The following CPQ variants were observed in gnomAD, a reference collection of about 807,000 sequenced individuals.
CPQ encodes the protein Ser-Met dipeptidase.
A neutral mutation model predicts 45.7 loss-of-function variants in CPQ; 37 were observed. That is an observed-to-expected ratio of 0.81 (90% CI 0.62 to 1.07). CPQ has a LOEUF of 1.07. Ranked by LOEUF, CPQ falls within the 50% of genes least tolerant of loss-of-function variation. CPQ has a pLI of 0.00. For missense variants in CPQ, 537 were observed against 572.9 expected (o/e 0.94, Z 0.64); for synonymous variants, 186 against 205.8 (o/e 0.90, Z 0.82).
At chr8:96,722,273 C>A (rs1809774338) in intron 1 of CPQ, among the ~76,000 whole-genome samples, 1 of 151,978 alleles carries the variant, frequency 6.6e-6, no homozygotes, top group Non-Finnish European at 1.5e-5. Flanking sequence ...TTCCTTATGT[C>A]TTTACTTTTT....
intron 2 of CPQ, among the ~76,000 whole-genome samples, chr8:96,815,583 A>G (rs1811217322): frequency 6.6e-6 from 1 of 152,268 alleles, no homozygotes; most frequent in East Asian, 1.9e-4. Flanking sequence ...TGATCCCAGA[A>G]GCTCTCATTG....
chr8:96,890,068 A>G (rs1174241653), intron 4 of CPQ, among the ~76,000 whole-genome samples: 1 of 152,152 alleles, frequency 6.6e-6, no homozygotes, highest in Admixed American at 6.5e-5. Flanking sequence ...TCTCCAAATA[A>G]AGACAATAAT....
intron 4 of CPQ, among the ~76,000 whole-genome samples, chr8:96,941,724 T>G (rs1374345582): frequency 6.6e-6 from 1 of 152,132 alleles, no homozygotes; most frequent in East Asian, 1.9e-4. Context: ...TTTTCTTTCC[T>G]GCTAGGTATG....
At chr8:96,828,138 C>T (rs1811402231) in intron 2 of CPQ, among the ~76,000 whole-genome samples, 1 of 152,034 alleles carries the variant, frequency 6.6e-6, no homozygotes, top group Non-Finnish European at 1.5e-5. Context: ...TGCTTTATCT[C>T]CACTGCCCTG....
chr8:96,859,065 T>C (rs1364504566), intron 3 of CPQ, among the ~76,000 whole-genome samples: 1 of 152,218 alleles, frequency 6.6e-6, no homozygotes, highest in Non-Finnish European at 1.5e-5. Context: ...CCAGGCATTG[T>C]TTTAAAAAGC....
At chr8:96,829,096 T>A (rs1380071763) in intron 2 of CPQ, among the ~76,000 whole-genome samples, 1 of 152,102 alleles carries the variant, frequency 6.6e-6, no homozygotes, top group African/African-American at 2.4e-5. Flanking sequence ...AAACTCAATA[T>A]TTTAGAAGTC....
At chr8:97,013,754 A>AATCT (rs991299682) in intron 5 of CPQ, among the ~76,000 whole-genome samples, 5 of 152,206 alleles carry the variant, frequency 3.3e-5, no homozygotes, top group African/African-American at 1.2e-4. Context: ...GGCAGATCGG[A>AATCT]ATCTATCTAC....
intron 1 of CPQ, among the ~76,000 whole-genome samples, chr8:96,680,820 T>C (rs1809140561): frequency 6.6e-6 from 1 of 152,088 alleles, no homozygotes; most frequent in South Asian, 2.1e-4. Flanking sequence ...GATAATGATA[T>C]GGACAATGAA....
intron 7 of CPQ, among the ~76,000 whole-genome samples, chr8:97,099,115 C>CTTTTTTTTTTT (rs34830752): frequency 3.6e-4 from 24 of 66,338 alleles, no homozygotes; most frequent in Admixed American, 1.6e-3. Flanking sequence ...CCTTCTCTCT[C>CTTTTTTTTTTT]TTTTTTTTTT....
chr8:97,069,189 T>G (rs1446855074), intron 7 of CPQ, among the ~76,000 whole-genome samples: 1 of 152,214 alleles, frequency 6.6e-6, no homozygotes, highest in African/African-American at 2.4e-5. Context: ...GAATGCTGTT[T>G]TATTTCCTTT....
chr8:96,851,701 G>A (rs1811773266), intron 3 of CPQ, among the ~76,000 whole-genome samples: 1 of 152,130 alleles, frequency 6.6e-6, no homozygotes, highest in Non-Finnish European at 1.5e-5. Context: ...CCTGTATTTT[G>A]GAGGGGACAC....
chr8:97,143,156 C>T lies in CPQ; in HGVS notation c.1392C>T (p.Asp464=), dbSNP rs1812196359. The stretch of plus-strand genomic sequence containing the variant: ...CTGTTGTTTCTTATGTTGTTGCAGA[C>T]ATGGAAGAAATGCTGCCTAGGTCCT... ...VWAVVSYVVA[D]MEEMLPRS The change falls in exon 8 of 8, where the codon GAC becomes GAT. Residue 464 remains aspartate (D), a synonymous_variant. Transcript: ENST00000220763. The T allele has an allele frequency of 6.2e-7, 1 of 1,613,938 alleles. No individual in the cohort carries two copies. Among genetic ancestry groups the T allele is most frequent in the Admixed American group, 1.7e-5 (1 of 60,004 alleles).
Position 96,926,625 on chromosome 8 carries a change from C to CTTCTTCTTCTTCTT in CPQ, c.850-39310_850-39309insTTCTTCTTCTTCTT, listed in dbSNP as rs59043894. On this transcript the variant is annotated intron_variant, in intron 4 of 7. Coordinates refer to ENST00000220763, the MANE Select transcript of CPQ (RefSeq NM_016134.4). ...TTCTTCTTCTTCTTCTTCTTCTTCT[C>CTTCTTCTTCTTCTT]CTCCTTCTCCTTCTTCTTCTTCTCC... Among the ~76,000 whole-genome samples, 336 of 58,346 alleles carry CTTCTTCTTCTTCTT rather than the reference C, an allele frequency of 5.8e-3. 14 individuals carry two copies. The highest frequency in any genetic ancestry group is 0.019 in the African/African-American group (298 of 15,816). 38.3% of individuals were successfully genotyped at this position (58,346 alleles called of 152,430 possible). A position where few individuals can be genotyped will look rare whatever the true frequency, so the allele number is the denominator to read the frequency against.
chr8:96,715,667 G>C (rs1333110702), intron 1 of CPQ, among the ~76,000 whole-genome samples: 1 of 152,092 alleles, frequency 6.6e-6, no homozygotes, highest in African/African-American at 2.4e-5. Flanking sequence ...GTGGAGTGCA[G>C]CACTTCACTT....
intron 1 of CPQ, among the ~76,000 whole-genome samples, chr8:96,705,005 G>C (rs112757808): frequency 0.024 from 3,656 of 152,242 alleles, 162 homozygotes; most frequent in African/African-American, 0.083. Flanking sequence ...AATTGTCTAG[G>C]GGGAGAGTGT....
chr8:96,675,561 G>C (rs999539243), intron 1 of CPQ, among the ~76,000 whole-genome samples: 2 of 152,036 alleles, frequency 1.3e-5, no homozygotes, highest in Admixed American at 1.3e-4. Flanking sequence ...TTGTGTGAGT[G>C]TATCTGCAGG....
intron 5 of CPQ, among the ~76,000 whole-genome samples, chr8:96,974,542 C>G (rs1813743179): frequency 6.6e-6 from 1 of 152,132 alleles, no homozygotes; most frequent in Admixed American, 6.6e-5. Context: ...ACATGACATT[C>G]TACCCAGCAA....
In CPQ at chr8:96,717,743, C is replaced by T. The variant is rs184098906; in HGVS notation, c.-34-67121C>T. Among the ~76,000 whole-genome samples the T allele has an allele frequency of 1.2e-3, 188 of 152,208 alleles. 1 individual carries two copies. Among genetic ancestry groups the T allele is most frequent in the African/African-American group, 4.2e-3 (174 of 41,540 alleles). Reference sequence around the variant, plus strand: ...TGGAGGGGCAAAGCCAAGTCGTGGGCGCTGGGTCAGGCAAGTATGTGTTCT... The same window carrying T: ...TGGAGGGGCAAAGCCAAGTCGTGGGTGCTGGGTCAGGCAAGTATGTGTTCT... On this transcript the variant is annotated intron_variant, in intron 1 of 7. Coordinates refer to ENST00000220763, the MANE Select transcript of CPQ (RefSeq NM_016134.4).
At chr8:96,819,078 AT>A (rs923345840) in intron 2 of CPQ, among the ~76,000 whole-genome samples, 6 of 151,768 alleles carry the variant, frequency 4.0e-5, no homozygotes, top group East Asian at 3.9e-4. Context: ...GAAAAACTAT[AT>A]TTTTTTTCTA....
Sources: gnomAD v4.1 joint callset for allele counts (sites outside exome capture counted in the v4.1 genomes callset) on GRCh38, gnomAD v4.1.1 for gene constraint, MANE v1.5 for transcripts, NCBI Gene and HGNC (gene_info 2026-07-23, HGNC 2026-07-21) for gene names.